The following STOX1 variants were observed in gnomAD, a reference collection of about 807,000 sequenced individuals.
The protein encoded by STOX1 is storkhead-box protein 1.
STOX1 carries 57 observed loss-of-function variants against 74.8 expected under a neutral mutation model. That is an observed-to-expected ratio of 0.76 (90% CI 0.62 to 0.95). STOX1 has a LOEUF of 0.95. Among genes scored for constraint, STOX1 ranks in the 40% least tolerant of loss-of-function variants. STOX1 has a pLI of 0.00. For synonymous variants in STOX1, 375 were observed against 401.3 expected, an observed-to-expected ratio of 0.93 and a Z score of 0.78; for missense variants, 1,010 against 1,117.0, an observed-to-expected ratio of 0.90 and a Z score of 1.37.
chr10:68,886,609 AT>A lies in STOX1; in HGVS notation c.2815del (p.Ser939LeufsTer18), dbSNP rs776536478. The A allele has an allele frequency of 6.2e-7, 1 of 1,613,988 alleles. No homozygotes were observed. Among genetic ancestry groups the A allele is most frequent in the Non-Finnish European group, 8.5e-7 (1 of 1,179,922 alleles). On this transcript the variant is annotated frameshift_variant, in exon 3 of 4. Coordinates refer to ENST00000298596, the MANE Select transcript of STOX1 (RefSeq NM_152709.5). LOFTEE classifies it high-confidence loss of function. Reference sequence around the variant, plus strand: ...AGCATGGCAGGAGATAGTGGAATAGATTCTCCACGGTAGGTCCATACAAAAG... The same window carrying A: ...AGCATGGCAGGAGATAGTGGAATAGATCTCCACGGTAGGTCCATACAAAAG... ...NHSMAGDSGIDSPRTQSLGSN... is the reference protein window; with the variant it reads ...NHSMAGDSGIXSPRTQSLGSN...
intron 1 of STOX1, among the ~76,000 whole-genome samples, chr10:68,879,344 C>T (rs1840754051): frequency 6.6e-6 from 1 of 152,060 alleles, no homozygotes; most frequent in Admixed American, 6.6e-5. Flanking sequence ...GATGACTTTG[C>T]TGTGCTAATA....
chr10:68,829,957 G>A (rs998450590), intron 1 of STOX1, among the ~76,000 whole-genome samples: 7 of 152,140 alleles, frequency 4.6e-5, no homozygotes, highest in Non-Finnish European at 1.0e-4. Flanking sequence ...TACATTCTCA[G>A]GTCCCCCCTT....
intron 1 of STOX1, among the ~76,000 whole-genome samples, chr10:68,864,928 A>G (rs1198433734): frequency 6.6e-6 from 1 of 152,142 alleles, no homozygotes; most frequent in Non-Finnish European, 1.5e-5. Flanking sequence ...TTTTTAATTG[A>G]TCCTTATGCA....
At chr10:68,874,012 C>T (rs1179915804) in intron 1 of STOX1, among the ~76,000 whole-genome samples, 1 of 11,376 alleles carries the variant, frequency 8.8e-5, no homozygotes, top group African/African-American at 5.3e-4. Context: ...AGCTAGGTAG[C>T]CTTTTTTTTT....
intron 1 of STOX1, among the ~76,000 whole-genome samples, chr10:68,841,190 C>T (rs1231404855): frequency 2.0e-5 from 3 of 151,886 alleles, no homozygotes; most frequent in Middle Eastern, 3.4e-3. Context: ...CGTGATCTGC[C>T]CGCCTTGGTC....
At chr10:68,859,619 G>C (rs952072934) in intron 1 of STOX1, among the ~76,000 whole-genome samples, 1 of 152,078 alleles carries the variant, frequency 6.6e-6, no homozygotes, top group Non-Finnish European at 1.5e-5. Flanking sequence ...CAAATGTTTT[G>C]CTCACAGCAG....
intron 1 of STOX1, among the ~76,000 whole-genome samples, chr10:68,861,582 A>G (rs1212520707): frequency 6.6e-6 from 1 of 152,144 alleles, no homozygotes; most frequent in Non-Finnish European, 1.5e-5. Context: ...GCACGGCAAT[A>G]AAAACCAAGG....
At chr10:68,883,764 T>A (rs1292227708) in intron 2 of STOX1, among the ~76,000 whole-genome samples, 1 of 147,256 alleles carries the variant, frequency 6.8e-6, no homozygotes, top group South Asian at 2.2e-4. Flanking sequence ...TTGGCTTTTT[T>A]TTTTTTTTTT....
intron 1 of STOX1, among the ~76,000 whole-genome samples, chr10:68,829,923 G>T (rs772161237): frequency 5.3e-5 from 8 of 152,130 alleles, no homozygotes; most frequent in Non-Finnish European, 1.0e-4. Context: ...TGCATCCTCA[G>T]TTTTTCTGGT....
At chr10:68,873,813 G>A in intron 1 of STOX1, among the ~76,000 whole-genome samples, 1 of 150,190 alleles carries the variant, frequency 6.7e-6, no homozygotes, top group African/African-American at 2.4e-5. Flanking sequence ...ACCATGCCCA[G>A]CTAATTTTTG....
intron 1 of STOX1, among the ~76,000 whole-genome samples, chr10:68,835,903 G>A (rs778684702): frequency 2.6e-5 from 4 of 152,064 alleles, no homozygotes; most frequent in African/African-American, 4.8e-5. Context: ...ATGGAGTCTC[G>A]CTCTGTCGCC....
intron 1 of STOX1, among the ~76,000 whole-genome samples, chr10:68,876,119 A>AATATATATAT (rs56325624): frequency 3.2e-4 from 43 of 135,724 alleles, no homozygotes; most frequent in Non-Finnish European, 5.8e-4. Flanking sequence ...TCTTTACCAG[A>AATATATATAT]ATATATATAT....
At chr10:68,850,273 G>C (rs192480036) in intron 1 of STOX1, among the ~76,000 whole-genome samples, 236 of 152,332 alleles carry the variant, frequency 1.5e-3, no homozygotes, top group African/African-American at 5.0e-3. Context: ...CTCCCAAAGT[G>C]CTGGGATTAC....
intron 1 of STOX1, among the ~76,000 whole-genome samples, chr10:68,842,318 G>A (rs1286674538): frequency 1.3e-5 from 2 of 152,132 alleles, no homozygotes; most frequent in Non-Finnish European, 2.9e-5. Context: ...TGTGCTAGTG[G>A]AAAGTCACAT....
chr10:68,838,635 G>T (rs1219062719), intron 1 of STOX1, among the ~76,000 whole-genome samples: 1 of 152,094 alleles, frequency 6.6e-6, no homozygotes. Context: ...CAAGAGCCGG[G>T]CGCGGTGGCT....
At chr10:68,852,547 C>T (rs1293185502) in intron 1 of STOX1, among the ~76,000 whole-genome samples, 14 of 151,808 alleles carry the variant, frequency 9.2e-5, no homozygotes, top group African/African-American at 2.2e-4. Context: ...CATGAGCCAC[C>T]GCGCCTGGCC....
At position 68,884,669 on chromosome 10, in the gene STOX1, C is replaced by T. The variant is rs770789225; in HGVS notation, c.873C>T (p.His291=). ...CAGTTTCAGTGTCTGCGGAGCACCA[C>T]ATTTGTGAGAGCACCAAACCTTTAC... ...NGAVSVSAEH[H]ICESTKPLPY... is the part of the protein sequence containing the mutation. Residue 291 remains histidine, a synonymous_variant, in exon 3 of 4, where the codon CAC becomes CAT. Transcript: ENST00000298596. The T allele has an allele frequency of 2.5e-6, 4 of 1,614,024 alleles. No homozygotes were observed. The highest frequency in any genetic ancestry group is 3.4e-6 in the Non-Finnish European group (4 of 1,180,054).
At chr10:68,869,668 G>A (rs1169571945) in intron 1 of STOX1, among the ~76,000 whole-genome samples, 1 of 152,152 alleles carries the variant, frequency 6.6e-6, no homozygotes, top group Non-Finnish European at 1.5e-5. Flanking sequence ...CTTAGCTGAA[G>A]GGTAGTACAG....
chr10:68,861,365 G>A (rs1840264841), intron 1 of STOX1, among the ~76,000 whole-genome samples: 1 of 152,170 alleles, frequency 6.6e-6, no homozygotes, highest in Non-Finnish European at 1.5e-5. Flanking sequence ...TTAAGGCATA[G>A]ATCGCTCATG....
Sources: allele counts gnomAD v4.1 joint callset (sites outside exome capture counted in the v4.1 genomes callset), GRCh38; gene constraint gnomAD v4.1.1; transcripts MANE v1.5; gene names NCBI Gene and HGNC (gene_info 2026-07-23, HGNC 2026-07-21).